Variants in CPNE7 observed in about 807,000 individuals in gnomAD.
CPNE7 encodes the protein copine 7, also known as copine-7.
In CPNE7, 78 loss-of-function variants were observed where a neutral mutation model predicts 66.5. That is an observed-to-expected ratio of 1.17 (90% CI 0.98 to 1.42). The LOEUF (loss-of-function observed/expected upper bound fraction) is 1.42, where lower values mean the gene tolerates loss of function less well. CPNE7 is among the 40% of genes most tolerant of loss of function. CPNE7 has a pLI of 0.00. For synonymous variants in CPNE7, 468 were observed against 336.7 expected (o/e 1.39, Z -4.27); for missense variants, 1,012 against 776.6 (o/e 1.30, Z -3.60).
intron 10 of CPNE7, among the ~76,000 whole-genome samples, chr16:89,589,375 G>A (rs934944882): frequency 1.1e-4 from 16 of 152,332 alleles, no homozygotes; most frequent in African/African-American, 2.2e-4. Context: ...CTGGGGGGAC[G>A]TCTGTGTCCC....
At chr16:89,595,209 G>A (rs1181641894) in intron 13 of CPNE7, among the ~76,000 whole-genome samples, 158 bp from the exon 14 acceptor site, 1 of 152,202 alleles carries the variant, frequency 6.6e-6, no homozygotes, top group Non-Finnish European at 1.5e-5. Flanking sequence ...ACCCACTGTT[G>A]TTCGTGATGT....
At position 89,589,743 on chromosome 16, in the gene CPNE7, C is replaced by T. The variant is rs1335470220; in HGVS notation, c.1062-154C>T. Among the ~76,000 whole-genome samples, 5 of 152,312 alleles carry T rather than the reference C, an allele frequency of 3.3e-5. No homozygotes were observed. In the East Asian group the frequency reaches 5.8e-4, roughly 18 times the overall value. On this transcript the variant is annotated intron_variant, in intron 10 of 14. Transcript: ENST00000319518. Reference sequence around the variant, plus strand: ...AGGCCTGTGCCTCTGCTGCCCTGAGCCTCGGTTCCCCACCTCTGGCAGGTG... The same window carrying T: ...AGGCCTGTGCCTCTGCTGCCCTGAGTCTCGGTTCCCCACCTCTGGCAGGTG...
In CPNE7 at chr16:89,588,891, C is replaced by T. The variant is rs995123308; in HGVS notation, c.1061+83C>T. ...CCTGGCCGTCTTCCCCCTCACCCCC[C>T]TGGTCTCCAGGTCAGCTATGACAGG... is the stretch of plus-strand genomic sequence containing the variant. On this transcript the variant is annotated intron_variant, in intron 10 of 14. Coordinates refer to ENST00000319518, the MANE Select transcript of CPNE7 (RefSeq NM_153636.3). The T allele has an allele frequency of 3.2e-6, 5 of 1,559,454 alleles. No individual in the cohort carries two copies. In the Admixed American group the frequency reaches 8.5e-5, roughly 26 times the overall value.
chr16:89,590,340 C>A (rs1357784904), intron 11 of CPNE7, among the ~76,000 whole-genome samples: 1 of 152,066 alleles, frequency 6.6e-6, no homozygotes, highest in Non-Finnish European at 1.5e-5. Flanking sequence ...GCCTGGCCAT[C>A]ATGGTGAAAC....
Position 89,586,693 on chromosome 16 carries a change from C to G in CPNE7, c.804C>G (p.Pro268=), listed in dbSNP as rs1025809439. 8.7e-6 allele frequency: 14 copies of G among 1,612,556 alleles called. No individual in the cohort carries two copies. The East Asian group carries it at 8.9e-5, about 10-fold the overall frequency. The change falls in exon 8 of 15, where the codon CCC becomes CCG. Residue 268 remains proline, a synonymous_variant. Coordinates refer to ENST00000319518, the MANE Select transcript of CPNE7 (RefSeq NM_153636.3). ...EGQAQWDCVN[P]KYKQKRRSYK... is the part of the protein sequence containing the mutation. ...AGGCCCAGTGGGACTGTGTGAACCC[C>G]AAATACAAGCAGAAGAGACGCAGTT... is the stretch of plus-strand genomic sequence containing the variant.
intron 11 of CPNE7, 84 bp from the exon 12 acceptor site, chr16:89,590,923 G>T (rs909889471): frequency 6.8e-7 from 1 of 1,464,184 alleles, no homozygotes; most frequent in African/African-American, 1.4e-5. Context: ...GGCTGGGGAC[G>T]GGGGGAGCAG....
At chr16:89,585,185 G>T (rs548341338) in intron 5 of CPNE7, among the ~76,000 whole-genome samples, 1 of 152,228 alleles carries the variant, frequency 6.6e-6, no homozygotes, top group Non-Finnish European at 1.5e-5. Flanking sequence ...GAGTGAAAAT[G>T]AATCTATTTA....
chr16:89,578,731 G>T, intron 2 of CPNE7: 1 of 1,343,034 alleles, frequency 7.4e-7, no homozygotes, highest in East Asian at 2.8e-5. Flanking sequence ...CTGCACTCCA[G>T]CCTGAGTGAC....
rs3751684 is a variant in CPNE7, at chr16:89,596,467, G to C, written c.1540-17G>C. Reference sequence around the variant, plus strand: ...TCTCGAAGGTCCCAGAGGTAACTGCGTTGTCCCATCCTCCAGGCATCCCCT... The same window carrying C: ...TCTCGAAGGTCCCAGAGGTAACTGCCTTGTCCCATCCTCCAGGCATCCCCT... On this transcript the variant is annotated splice_polypyrimidine_tract_variant and intron_variant, in intron 14 of 14. Coordinates refer to ENST00000319518, the MANE Select transcript of CPNE7 (RefSeq NM_153636.3). 40,378 of 1,599,928 alleles carry C rather than the reference G, an allele frequency of 0.025. 6,023 individuals carry two copies. The East Asian group carries it at 0.47, about 19-fold the overall frequency.
At chr16:89,576,690 G>T (rs1414888701) in intron 1 of CPNE7, among the ~76,000 whole-genome samples, 1 of 152,158 alleles carries the variant, frequency 6.6e-6, no homozygotes, top group African/African-American at 2.4e-5. Context: ...AAGCCGCAGC[G>T]GGCGGAGGAG....
intron 13 of CPNE7, among the ~76,000 whole-genome samples, chr16:89,592,984 T>C (rs1305640337): frequency 6.6e-6 from 1 of 150,510 alleles, no homozygotes; most frequent in Non-Finnish European, 1.5e-5. Flanking sequence ...GGCTAATTTT[T>C]ATATTTTTGT....
At chr16:89,578,776 AAAG>A (rs375992589) in intron 2 of CPNE7, 43 of 1,393,682 alleles carry the variant, frequency 3.1e-5, no homozygotes, top group Admixed American at 1.2e-4. Context: ...AAAAAAAAAA[AAAG>A]AAGCCTCCTT....
intron 2 of CPNE7, among the ~76,000 whole-genome samples, chr16:89,580,521 CGGAACATCCCATCACCCGTCACAT>C (rs2058937395): frequency 1.4e-5 from 2 of 143,764 alleles, no homozygotes; most frequent in African/African-American, 5.2e-5. Context: ...ACCCGTCACA[CGGAACATCCCATCACCCGTCACAT>C]GGAACATCCC....
At chr16:89,586,898 A>G (rs2151440724) in intron 8 of CPNE7, 142 bp downstream of exon 8, 1 of 1,088,416 alleles carries the variant, frequency 9.2e-7, no homozygotes, top group Admixed American at 2.0e-5. Context: ...GGGAAGGGCG[A>G]GGTTGGGGAG....
rs547045205 is a variant in CPNE7 at position 89,589,814 on chromosome 16, G to A, written c.1062-83G>A. 3.7e-4 allele frequency: 557 copies of A among 1,489,514 alleles called. 2 individuals carry two copies. In the East Asian group the frequency reaches 5.9e-3, roughly 16 times the overall value. The allele number at this position is 1,489,514 out of a possible 1,614,324, so 92.3% of individuals were successfully genotyped here. ...CCTGGGCACCCCCAGTCTTTTGGGC[G>A]CCAGTCATGTCTCCCTAGAAGTGGC... On this transcript the variant is annotated intron_variant, in intron 10 of 14. Transcript: ENST00000319518.
rs1164196847 is a variant in CPNE7, at chr16:89,596,870, A to T, written c.*249A>T. On this transcript the variant is annotated 3_prime_UTR_variant, in exon 15 of 15. Transcript: ENST00000319518. Reference sequence around the variant, plus strand: ...GAGCCAGGTGGGTGGAGGGAGGGAGATCATGAGGGACTTGGAGGGAGCTGG... The same window carrying T: ...GAGCCAGGTGGGTGGAGGGAGGGAGTTCATGAGGGACTTGGAGGGAGCTGG... 2.4e-6 allele frequency: 1 copy of T among 421,002 alleles called. No homozygotes were observed. Among genetic ancestry groups the T allele is most frequent in the East Asian group, 3.9e-5 (1 of 25,514 alleles). 26.1% of individuals were successfully genotyped at this position (421,002 alleles called of 1,614,324 possible). A position where few individuals can be genotyped will look rare whatever the true frequency, so the allele number is the denominator to read the frequency against.
chr16:89,596,827 C>G lies in CPNE7; in HGVS notation c.*206C>G. 2 of 538,112 alleles carry G rather than the reference C, an allele frequency of 3.7e-6. No homozygotes were observed. Among genetic ancestry groups the G allele is most frequent in the Non-Finnish European group, 6.1e-6 (2 of 330,578 alleles). 33.3% of individuals were successfully genotyped at this position (538,112 alleles called of 1,614,324 possible). ...CCGAAGGGTGACAAAATACAGGCCC[C>G]CATGCCTGGCCCTGCCTGAGCCAGG... On this transcript the variant is annotated 3_prime_UTR_variant, in exon 15 of 15. Transcript: ENST00000319518.
chr16:89,593,421 T>C (rs951914197), intron 13 of CPNE7, among the ~76,000 whole-genome samples: 1 of 151,212 alleles, frequency 6.6e-6, no homozygotes, highest in Non-Finnish European at 1.5e-5. Flanking sequence ...GGCGCGATCT[T>C]GGTTCACTGC....
At chr16:89,576,901 C>T (rs756774975) in intron 1 of CPNE7, among the ~76,000 whole-genome samples, 20 of 152,154 alleles carry the variant, frequency 1.3e-4, no homozygotes, top group Non-Finnish European at 2.5e-4. Flanking sequence ...CGGCTGCCCC[C>T]GGAGGCCCCG....
Sources: gnomAD v4.1 joint callset for allele counts (sites outside exome capture counted in the v4.1 genomes callset) on GRCh38, gnomAD v4.1.1 for gene constraint, MANE v1.5 for transcripts, NCBI Gene and HGNC (gene_info 2026-07-23, HGNC 2026-07-21) for gene names.